The following TENM4 variants were observed in gnomAD, a reference collection of about 807,000 sequenced individuals.
TENM4 encodes the protein teneurin-4.
In TENM4, 82 loss-of-function variants were observed where a neutral mutation model predicts 243.3. The observed-to-expected ratio is 0.34, with a 90% CI of 0.28 to 0.40. The LOEUF (loss-of-function observed/expected upper bound fraction) is 0.40, where lower values mean the gene tolerates loss of function less well. TENM4 is among the 10% of genes least tolerant of loss of function. The pLI is 1.00. For missense variants in TENM4, 3,138 were observed against 3,673.3 expected (o/e 0.85, Z 3.77); for synonymous variants, 1,412 against 1,456.3 (o/e 0.97, Z 0.69).
At chr11:79,249,355 A>C (rs1855571369) in intron 2 of TENM4, among the ~76,000 whole-genome samples, 1 of 152,186 alleles carries the variant, frequency 6.6e-6, no homozygotes. Flanking sequence ...CTGTAATTCC[A>C]AATCTAGCCC....
intron 2 of TENM4, among the ~76,000 whole-genome samples, chr11:79,222,694 C>T (rs1213765046): frequency 2.0e-5 from 3 of 152,146 alleles, no homozygotes; most frequent in East Asian, 1.9e-4. Flanking sequence ...TAATAACTGC[C>T]GTCTGACTGG....
At chr11:78,834,221 T>C (rs148639063) in intron 12 of TENM4, among the ~76,000 whole-genome samples, 131 of 152,332 alleles carry the variant, frequency 8.6e-4, no homozygotes, top group Non-Finnish European at 1.4e-3. Context: ...GCTCTCCTTT[T>C]CTCTGATCTA....
intron 21 of TENM4, among the ~76,000 whole-genome samples, chr11:78,730,919 C>T (rs1855648652): frequency 6.6e-6 from 1 of 152,180 alleles, no homozygotes; most frequent in African/African-American, 2.4e-5. Flanking sequence ...CCCTGGTGAG[C>T]CCCTGGCATG....
intron 16 of TENM4, 129 bp downstream of exon 16, chr11:78,786,769 C>A: frequency 7.5e-7 from 1 of 1,325,300 alleles, no homozygotes; most frequent in Non-Finnish European, 1.0e-6. Context: ...GTCATAATAC[C>A]TCCAGATGAA....
In TENM4 at chr11:78,708,379, A is replaced by G. The variant is rs972029637; in HGVS notation, c.4191T>C (p.Ser1397=). Residue 1397 remains serine (S), a synonymous_variant, in exon 27 of 34, where the codon TCT becomes TCC. Transcript: ENST00000278550. ...LTSARPLSCD[S]VMDISQVHLE... ...ATCTTACCTGGGAAATATCCATGAC[A>G]GAATCACAGCTGAGTGGCCGGGCTG... 6.2e-6 allele frequency: 10 copies of G among 1,613,950 alleles called. No homozygotes were observed. The highest frequency in any genetic ancestry group is 8.5e-6 in the Non-Finnish European group (10 of 1,179,904).
At chr11:78,986,608 G>A (rs77622880) in intron 6 of TENM4, among the ~76,000 whole-genome samples, 1,645 of 152,262 alleles carry the variant, frequency 0.011, 37 homozygotes, top group African/African-American at 0.037. Flanking sequence ...TCTGTCGTCC[G>A]CCTAGAGCGC....
At chr11:79,025,838 C>T (rs968599107) in intron 6 of TENM4, among the ~76,000 whole-genome samples, 2 of 152,110 alleles carry the variant, frequency 1.3e-5, no homozygotes, top group African/African-American at 2.4e-5. Flanking sequence ...GGAACAAACC[C>T]GATCTCTCTC....
At chr11:78,931,810 G>A (rs1315489026) in intron 6 of TENM4, among the ~76,000 whole-genome samples, 2 of 152,124 alleles carry the variant, frequency 1.3e-5, no homozygotes, top group East Asian at 1.9e-4. Flanking sequence ...TTAATGAAAC[G>A]CTGTGCTTTA....
chr11:78,979,829 G>C (rs1214974108), intron 6 of TENM4, among the ~76,000 whole-genome samples: 1 of 152,154 alleles, frequency 6.6e-6, no homozygotes, highest in African/African-American at 2.4e-5. Flanking sequence ...TCCATCATCA[G>C]TTATCAACTT....
chr11:79,028,429 G>A (rs1205146003), intron 6 of TENM4, among the ~76,000 whole-genome samples: 3 of 152,358 alleles, frequency 2.0e-5, no homozygotes, highest in Admixed American at 1.3e-4. Context: ...ACTGGGCAGA[G>A]GGAGAACTTG....
chr11:79,081,995 A>C (rs749105010), intron 4 of TENM4, among the ~76,000 whole-genome samples: 1 of 152,028 alleles, frequency 6.6e-6, no homozygotes, highest in Non-Finnish European at 1.5e-5. Flanking sequence ...CTGTGCCTCA[A>C]TTTCATCATC....
chr11:78,907,899 A>G (rs1856097888), intron 6 of TENM4, among the ~76,000 whole-genome samples: 1 of 152,120 alleles, frequency 6.6e-6, no homozygotes, highest in African/African-American at 2.4e-5. Flanking sequence ...TCAAGCCCAA[A>G]TGTGAGTCAT....
intron 6 of TENM4, among the ~76,000 whole-genome samples, chr11:78,983,356 T>G (rs1395525386): frequency 6.6e-6 from 1 of 152,164 alleles, no homozygotes; most frequent in Non-Finnish European, 1.5e-5. Context: ...GTGCCTTATT[T>G]TAAAACAAAC....
chr11:79,162,448 T>G (rs1194770229), intron 3 of TENM4, among the ~76,000 whole-genome samples: 3 of 147,234 alleles, frequency 2.0e-5, no homozygotes, highest in Non-Finnish European at 4.5e-5. Context: ...GTCATGATGC[T>G]ATAAAGTATT....
chr11:79,331,432 C>A (rs1857060632), intron 1 of TENM4, among the ~76,000 whole-genome samples: 1 of 152,134 alleles, frequency 6.6e-6, no homozygotes, highest in Admixed American at 6.5e-5. Flanking sequence ...CAACAGAGTC[C>A]TTGTCTCAGT....
intron 4 of TENM4, among the ~76,000 whole-genome samples, chr11:79,113,354 T>A (rs1417111065): frequency 6.6e-6 from 1 of 151,612 alleles, no homozygotes; most frequent in East Asian, 1.9e-4. Context: ...CTGAACTTCA[T>A]GGGATTCTGT....
chr11:79,268,196 T>G (rs749778802), intron 2 of TENM4, among the ~76,000 whole-genome samples: 33 of 152,318 alleles, frequency 2.2e-4, no homozygotes, highest in Admixed American at 1.1e-3. Flanking sequence ...AACTTTTCCC[T>G]AAAGGGCTGG....
intron 1 of TENM4, among the ~76,000 whole-genome samples, chr11:79,314,877 T>A (rs1407699368): frequency 6.6e-6 from 1 of 152,214 alleles, no homozygotes; most frequent in Non-Finnish European, 1.5e-5. Flanking sequence ...ATTTAACTGG[T>A]CTGTGTGAGG....
chr11:79,167,442 C>G (rs2135107020), intron 3 of TENM4, among the ~76,000 whole-genome samples: 1 of 152,330 alleles, frequency 6.6e-6, no homozygotes, highest in South Asian at 2.1e-4. Flanking sequence ...ATCACCTCAA[C>G]TAATCCATAG....
Sources: gnomAD v4.1 joint callset for allele counts (sites outside exome capture counted in the v4.1 genomes callset) on GRCh38, gnomAD v4.1.1 for gene constraint, MANE v1.5 for transcripts, NCBI Gene and HGNC (gene_info 2026-07-23, HGNC 2026-07-21) for gene names.